TIGAR: variants seen among roughly 807,000 people sequenced by gnomAD.
TIGAR encodes fructose-2,6-bisphosphatase TIGAR.
Under a neutral mutation model 17.9 loss-of-function variants are expected in TIGAR, and 7 were observed. That is an observed-to-expected ratio of 0.39 (90% CI 0.22 to 0.73). The LOEUF (loss-of-function observed/expected upper bound fraction) is 0.73, where lower values mean the gene tolerates loss of function less well. Among genes scored for constraint, TIGAR ranks in the 30% least tolerant of loss-of-function variants. The pLI, the probability that TIGAR is intolerant of heterozygous loss-of-function variation, is 0.42. For synonymous variants in TIGAR, 94 were observed against 108.6 expected, an observed-to-expected ratio of 0.87 and a Z score of 0.84; for missense variants, 258 against 327.4, an observed-to-expected ratio of 0.79 and a Z score of 1.64.
In TIGAR at chr12:4,321,332, C is replaced by T. The variant is rs770535643; in HGVS notation, c.32+29C>T. On this transcript the variant is annotated intron_variant, in intron 1 of 5. Transcript: ENST00000179259. The surrounding 1 kb of genome is among the most constrained non-coding windows in gnomAD (Gnocchi z 5.2). ...AGTATGGCTGTGGCAGGATGTCTTT[C>T]TCTCTCTCTTCCTTGAGTGTGTTGG... 1.9e-6 allele frequency: 3 copies of T among 1,597,656 alleles called. No individual in the cohort carries two copies. Among genetic ancestry groups the T allele is most frequent in the Non-Finnish European group, 2.5e-6 (3 of 1,178,058 alleles).
intron 3 of TIGAR, among the ~76,000 whole-genome samples, chr12:4,348,583 CTT>C (rs1277688839): frequency 6.6e-6 from 1 of 151,848 alleles, no homozygotes; most frequent in East Asian, 1.9e-4. Flanking sequence ...TCTGAAGTAA[CTT>C]TGAAAGGAAA....
At chr12:4,345,077 C>CTATAAACCACTGCTCAATGAAAGGAGA (rs1565449487) in intron 3 of TIGAR, among the ~76,000 whole-genome samples, 1 of 152,164 alleles carries the variant, frequency 6.6e-6, no homozygotes, top group Non-Finnish European at 1.5e-5. Context: ...CTTCAAGGAG[C>CTATAAACCACTGCTCAATGAAAGGAGA]ACTATAAACC....
At position 4,321,545 on chromosome 12, in the gene TIGAR, T is replaced by C. The variant is rs1433109356; in HGVS notation, c.32+242T>C. On this transcript the variant is annotated intron_variant, in intron 1 of 5. Coordinates refer to ENST00000179259, the MANE Select transcript of TIGAR (RefSeq NM_020375.3). This position sits in a 1 kb window ranked among gnomAD's most constrained non-coding sequence, Gnocchi z 5.2. Reference sequence around the variant, plus strand: ...AGATAGCTTCGTTCCGTGTTTCAGATAAAGTGAGGCCCGGAGGAGCAAGGG... The same window carrying C: ...AGATAGCTTCGTTCCGTGTTTCAGACAAAGTGAGGCCCGGAGGAGCAAGGG... Among the ~76,000 whole-genome samples the C allele has an allele frequency of 6.6e-6, 1 of 152,048 alleles. No individual in the cohort carries two copies.
intron 2 of TIGAR, among the ~76,000 whole-genome samples, chr12:4,335,158 C>T (rs1360657584): frequency 6.6e-6 from 1 of 152,134 alleles, no homozygotes; most frequent in Admixed American, 6.5e-5. Flanking sequence ...CTGCCTCAGC[C>T]TTCCAAGTAG....
chr12:4,325,626 C>T (rs1864537674), intron 1 of TIGAR, among the ~76,000 whole-genome samples: 1 of 151,648 alleles, frequency 6.6e-6, no homozygotes, highest in African/African-American at 2.4e-5. Context: ...CCTGTAATCC[C>T]AGCTACTCGG....
rs1025621605 is a variant in TIGAR, at chr12:4,357,319, C to G, written c.*4628C>G. On this transcript the variant is annotated 3_prime_UTR_variant, in exon 6 of 6. Coordinates refer to ENST00000179259, the MANE Select transcript of TIGAR (RefSeq NM_020375.3). ...CACAATTTAATTGAAATAGATCATC[C>G]TAGGTGAATCCACCTGGCATAATTA... Among the ~76,000 whole-genome samples, 2 of 152,156 alleles carry G rather than the reference C, an allele frequency of 1.3e-5. No homozygotes were observed. Among genetic ancestry groups the G allele is most frequent in the Non-Finnish European group, 2.9e-5 (2 of 68,024 alleles).
chr12:4,336,446 G>GCACACACACACACACA (rs10595001), intron 2 of TIGAR, among the ~76,000 whole-genome samples: 46 of 138,564 alleles, frequency 3.3e-4, no homozygotes, highest in South Asian at 9.6e-4. Flanking sequence ...CAGCAATGCA[G>GCACACACACACACACA]CACACACACA....
intron 3 of TIGAR, among the ~76,000 whole-genome samples, chr12:4,345,913 G>GA (rs898377423): frequency 3.9e-5 from 6 of 151,902 alleles, no homozygotes; most frequent in Admixed American, 6.6e-5. Flanking sequence ...AAATTTGCAA[G>GA]AAAAAAACAA....
chr12:4,346,169 A>T (rs1332504115), intron 3 of TIGAR, among the ~76,000 whole-genome samples: 2 of 152,184 alleles, frequency 1.3e-5, no homozygotes, highest in African/African-American at 4.8e-5. Flanking sequence ...GACTGTAAAC[A>T]AGTTCAACCA....
chr12:4,332,238 C>CTTTTCTTTTTTTTTTT (rs1555092397), intron 2 of TIGAR, among the ~76,000 whole-genome samples: 3 of 95,362 alleles, frequency 3.1e-5, no homozygotes, highest in African/African-American at 1.2e-4. Flanking sequence ...TCATGTATTT[C>CTTTTCTTTTTTTTTTT]TTTTTTTTTT....
At chr12:4,350,776 CAAAAAAAA>C (rs745374518) in intron 4 of TIGAR, among the ~76,000 whole-genome samples, 11 of 89,238 alleles carry the variant, frequency 1.2e-4, no homozygotes, top group East Asian at 1.0e-3. Context: ...GATTCCGTCT[CAAAAAAAA>C]AAAAAAGAAA....
intron 3 of TIGAR, among the ~76,000 whole-genome samples, chr12:4,343,237 G>C (rs1864744357): frequency 6.6e-6 from 1 of 152,138 alleles, no homozygotes; most frequent in Non-Finnish European, 1.5e-5. Flanking sequence ...CATAAAGCAA[G>C]TCCTTAGTGA....
chr12:4,347,246 C>G (rs1864791076), intron 3 of TIGAR, among the ~76,000 whole-genome samples: 1 of 152,154 alleles, frequency 6.6e-6, no homozygotes, highest in South Asian at 2.1e-4. Flanking sequence ...TCATTTGCAA[C>G]AACATGGATG....
chr12:4,325,741 CAAA>C (rs11447841), intron 1 of TIGAR, among the ~76,000 whole-genome samples: 6 of 111,834 alleles, frequency 5.4e-5, no homozygotes, highest in African/African-American at 3.4e-5. Context: ...AAACTCGTCT[CAAA>C]AAAAAAAAAA....
At chr12:4,324,619 T>C in intron 1 of TIGAR, 2 of 1,540,180 alleles carry the variant, frequency 1.3e-6, no homozygotes, top group Non-Finnish European at 1.8e-6. Context: ...TGCCTCCTTC[T>C]TGGCCTTGCG....
intron 1 of TIGAR, chr12:4,324,528 C>T (rs1864516790): frequency 6.2e-7 from 1 of 1,609,562 alleles, no homozygotes; most frequent in Non-Finnish European, 8.5e-7. Context: ...TGTAGACGCC[C>T]ACCATGCTGC....
intron 2 of TIGAR, 77 bp from the exon 3 acceptor site, chr12:4,336,962 A>G: frequency 7.3e-7 from 1 of 1,369,600 alleles, no homozygotes; most frequent in Non-Finnish European, 9.6e-7. Context: ...AATGCAGCTT[A>G]TATTTTCTAC....
rs1050005559 is a variant in TIGAR at position 4,359,408 on chromosome 12, C to T, written c.*6717C>T. Among the ~76,000 whole-genome samples the T allele has an allele frequency of 1.3e-5, 2 of 151,998 alleles. No homozygotes were observed. The highest frequency in any genetic ancestry group is 1.9e-4 in the East Asian group (1 of 5,186). On this transcript the variant is annotated 3_prime_UTR_variant, in exon 6 of 6. Transcript: ENST00000179259. ...CAATATGCTCCAGACTCATTCTTCC[C>T]GAGCCCCAGCCCCAGAATCAGCTTT...
intron 2 of TIGAR, among the ~76,000 whole-genome samples, chr12:4,333,956 T>A (rs1326235093): frequency 4.6e-5 from 7 of 152,292 alleles, no homozygotes; most frequent in African/African-American, 1.7e-4. Flanking sequence ...TGGTCACTGA[T>A]GTGTTTCGAT....
Sources: gnomAD v4.1 joint callset for allele counts (sites outside exome capture counted in the v4.1 genomes callset) on GRCh38, gnomAD v4.1.1 for gene constraint, Gnocchi (gnomAD v3.1) non-coding constraint, MANE v1.5 for transcripts, NCBI Gene and HGNC (gene_info 2026-07-23, HGNC 2026-07-21) for gene names.